The following MAGI1 variants were observed in gnomAD, a reference collection of about 807,000 sequenced individuals.
The protein encoded by MAGI1 is membrane associated guanylate kinase, WW and PDZ domain containing 1.
MAGI1 carries 58 observed loss-of-function variants against 139.9 expected under a neutral mutation model. The observed-to-expected ratio is 0.41, with a 90% CI of 0.34 to 0.52. The LOEUF (loss-of-function observed/expected upper bound fraction) is 0.52, where lower values mean the gene tolerates loss of function less well. Among genes scored for constraint, MAGI1 ranks in the 20% least tolerant of loss-of-function variants. The pLI is 0.12. For missense variants in MAGI1, 1,874 were observed against 1,901.6 expected (o/e 0.99, Z 0.27); for synonymous variants, 812 against 737.9 (o/e 1.10, Z -1.63).
intron 1 of MAGI1, among the ~76,000 whole-genome samples, chr3:65,690,641 T>C (rs1436556254): frequency 2.0e-5 from 1 of 49,906 alleles, no homozygotes; most frequent in East Asian, 6.6e-4. Context: ...GTATTTTTAA[T>C]TTTTTTTTTT....
At chr3:65,544,818 G>A (rs1258650820) in intron 2 of MAGI1, among the ~76,000 whole-genome samples, 1 of 152,186 alleles carries the variant, frequency 6.6e-6, no homozygotes, top group East Asian at 1.9e-4. Context: ...TCAGAGGCAG[G>A]TAGTATGATT....
intron 1 of MAGI1, among the ~76,000 whole-genome samples, chr3:65,812,382 C>T (rs2108203997): frequency 6.6e-6 from 1 of 151,912 alleles, no homozygotes; most frequent in African/African-American, 2.4e-5. Context: ...TGCTGTGACC[C>T]TAAATACATT....
intron 1 of MAGI1, among the ~76,000 whole-genome samples, chr3:65,772,616 TGAAGCAAACACAGAG>T (rs2107950740): frequency 6.6e-6 from 1 of 151,988 alleles, no homozygotes; most frequent in African/African-American, 2.4e-5. Flanking sequence ...TTCGTGAGAG[TGAAGCAAACACAGAG>T]GAAGCAAACA....
At chr3:65,361,684 G>A (rs1940872017) in intron 21 of MAGI1, among the ~76,000 whole-genome samples, 1 of 152,192 alleles carries the variant, frequency 6.6e-6, no homozygotes, top group African/African-American at 2.4e-5. Context: ...TACGTCAAGT[G>A]ACTTGCTTCT....
At chr3:65,429,164 T>C (rs1947293618) in intron 12 of MAGI1, among the ~76,000 whole-genome samples, 1 of 152,094 alleles carries the variant, frequency 6.6e-6, no homozygotes, top group Non-Finnish European at 1.5e-5. Context: ...GGTCTCAATA[T>C]GTTGCCCAGT....
chr3:65,440,691 G>C (rs1317274395), intron 8 of MAGI1, among the ~76,000 whole-genome samples: 1 of 152,018 alleles, frequency 6.6e-6, no homozygotes, highest in Non-Finnish European at 1.5e-5. Flanking sequence ...ACAGGCCTTA[G>C]GCAGAGAGAA....
chr3:65,624,055 T>A (rs1370510413), intron 1 of MAGI1, among the ~76,000 whole-genome samples: 1 of 151,902 alleles, frequency 6.6e-6, no homozygotes, highest in African/African-American at 2.4e-5. Flanking sequence ...AGAGGAAAAA[T>A]AATAAAATCA....
intron 6 of MAGI1, chr3:65,452,474 G>C (rs1157104092): frequency 6.6e-6 from 1 of 152,162 alleles, no homozygotes; most frequent in Non-Finnish European, 1.5e-5. Context: ...GCAAAGCAGA[G>C]CGAAGCAAAC....
chr3:65,946,373 C>A (rs2106894052), intron 1 of MAGI1, among the ~76,000 whole-genome samples: 1 of 152,324 alleles, frequency 6.6e-6, no homozygotes, highest in Middle Eastern at 3.4e-3. Flanking sequence ...TTCCTCCCTG[C>A]CTTTTCTGCA....
intron 1 of MAGI1, among the ~76,000 whole-genome samples, chr3:65,962,824 C>CG (rs11296649): frequency 4.5e-5 from 5 of 111,670 alleles, no homozygotes; most frequent in African/African-American, 7.5e-5. Flanking sequence ...GACTCTGTCT[C>CG]GGGGGGAAAA....
At chr3:65,428,985 A>G (rs533836703) in intron 12 of MAGI1, among the ~76,000 whole-genome samples, 35 of 152,268 alleles carry the variant, frequency 2.3e-4, no homozygotes, top group Non-Finnish European at 4.1e-4. Context: ...GGAGCTCCAT[A>G]AAAGCAGCCA....
rs114908693 is a variant in MAGI1, at chr3:65,922,765, T to C, written c.313+115231A>G. 5.8e-3 allele frequency among the ~76,000 whole-genome samples: 876 copies of C among 152,108 alleles called. 9 individuals are homozygous for C. Among genetic ancestry groups the C allele is most frequent in the African/African-American group, 0.019 (792 of 41,496 alleles). On this transcript the variant is annotated intron_variant, in intron 1 of 22. Transcript: ENST00000402939. The stretch of plus-strand genomic sequence containing the variant: ...GCCAGCACTTCATCCCCAAAGAAAA[T>C]TGGTGTACAGAAAGGAGAGACAGTA...
intron 5 of MAGI1, among the ~76,000 whole-genome samples, chr3:65,464,252 T>G (rs1373565084): frequency 2.0e-5 from 3 of 152,166 alleles, no homozygotes; most frequent in Non-Finnish European, 4.4e-5. Flanking sequence ...ATTTCTCCTC[T>G]TACCTTTATT....
intron 1 of MAGI1, among the ~76,000 whole-genome samples, chr3:65,708,181 T>C (rs1216960212): frequency 1.3e-5 from 2 of 152,168 alleles, no homozygotes; most frequent in African/African-American, 2.4e-5. Flanking sequence ...AGGACAATGA[T>C]TTACAGATAG....
intron 1 of MAGI1, among the ~76,000 whole-genome samples, chr3:65,973,851 T>C (rs1037135756): frequency 7.9e-5 from 12 of 152,352 alleles, no homozygotes; most frequent in Non-Finnish European, 1.3e-4. Flanking sequence ...AGTACCTTTT[T>C]GTTTTCAGAA....
chr3:65,863,946 G>C (rs1185625387), intron 1 of MAGI1, among the ~76,000 whole-genome samples: 3 of 152,064 alleles, frequency 2.0e-5, no homozygotes, highest in African/African-American at 4.8e-5. Flanking sequence ...TTCCCTCAGA[G>C]CTCCTTCACA....
At chr3:65,405,016 G>GT (rs1198454737) in intron 12 of MAGI1, among the ~76,000 whole-genome samples, 2 of 152,200 alleles carry the variant, frequency 1.3e-5, no homozygotes, top group African/African-American at 4.8e-5. Context: ...TCCATTCAGG[G>GT]TAAGGAAGGG....
At chr3:65,381,450 A>G (rs1943045918) in intron 16 of MAGI1, among the ~76,000 whole-genome samples, 1 of 152,192 alleles carries the variant, frequency 6.6e-6, no homozygotes, top group Non-Finnish European at 1.5e-5. Context: ...TTTAATACAT[A>G]GGACAGTAAG....
chr3:65,738,736 C>T (rs4688593), intron 1 of MAGI1, among the ~76,000 whole-genome samples: 140,079 of 152,278 alleles, frequency 0.92, 65,547 homozygotes, highest in East Asian at 1. Context: ...GGTGCCTTGT[C>T]GATGAGTAGC....
Sources: gnomAD v4.1 joint callset for allele counts (sites outside exome capture counted in the v4.1 genomes callset) on GRCh38, gnomAD v4.1.1 for gene constraint, MANE v1.5 for transcripts, NCBI Gene and HGNC (gene_info 2026-07-23, HGNC 2026-07-21) for gene names.